The following STARD13 variants were observed in gnomAD, a reference collection of about 807,000 sequenced individuals.
STARD13 encodes StAR related lipid transfer domain containing 13, also known as stAR-related lipid transfer protein 13.
STARD13 carries 62 observed loss-of-function variants against 106.4 expected under a neutral mutation model. The observed-to-expected ratio is 0.58, with a 90% CI of 0.48 to 0.72. The LOEUF is 0.72. STARD13 is among the 30% of genes least tolerant of loss of function. STARD13 has a pLI of 0.00. For missense variants in STARD13, 1,387 were observed against 1,424.0 expected (o/e 0.97, Z 0.42); for synonymous variants, 565 against 553.0 (o/e 1.02, Z -0.31).
At position 33,105,386 on chromosome 13, in the gene STARD13, G is replaced by A. The variant is rs1021142894; in HGVS notation, c.*207C>T. 2.4e-5 allele frequency: 13 copies of A among 531,738 alleles called. No individual in the cohort carries two copies. The highest frequency in any genetic ancestry group is 4.4e-5 in the Non-Finnish European group (13 of 297,224). 32.9% of individuals were successfully genotyped at this position (531,738 alleles called of 1,614,324 possible). A position where few individuals can be genotyped will look rare whatever the true frequency, so the allele number is the denominator to read the frequency against. On this transcript the variant is annotated 3_prime_UTR_variant, in exon 14 of 14. Coordinates refer to ENST00000336934, the MANE Select transcript of STARD13 (RefSeq NM_178006.4). Reference sequence around the variant, plus strand: ...AAGTTCTCATTTTAAAATTATATTAGTAGGGATGTAGCCATCTCCAGGAAG... The same window carrying A: ...AAGTTCTCATTTTAAAATTATATTAATAGGGATGTAGCCATCTCCAGGAAG...
At chr13:33,514,493 G>C in the STARD13 span, among the ~76,000 whole-genome samples, 1 of 152,134 alleles carries the variant, frequency 6.6e-6, no homozygotes, top group Non-Finnish European at 1.5e-5. Context: ...GTCTGGGAGA[G>C]AGGGTGGCGG....
At chr13:33,644,455 A>G in the STARD13 span, among the ~76,000 whole-genome samples, 1 of 152,164 alleles carries the variant, frequency 6.6e-6, no homozygotes, top group Non-Finnish European at 1.5e-5. Context: ...TGAATTGGGT[A>G]CTTTGCACAG....
the STARD13 span, among the ~76,000 whole-genome samples, chr13:33,492,973 T>G: frequency 1.3e-5 from 2 of 152,178 alleles, no homozygotes; most frequent in East Asian, 1.9e-4. Flanking sequence ...AAATGCTAAG[T>G]GCACTTTTGA....
the STARD13 span, among the ~76,000 whole-genome samples, chr13:33,443,996 C>T: frequency 1.3e-5 from 2 of 151,726 alleles, no homozygotes; most frequent in Non-Finnish European, 1.5e-5. Context: ...TATTCATACT[C>T]ACCTAATAAT....
At chr13:33,519,309 T>C in the STARD13 span, among the ~76,000 whole-genome samples, 1 of 138,118 alleles carries the variant, frequency 7.2e-6, no homozygotes, top group East Asian at 2.1e-4. Flanking sequence ...CTCTCTTTCT[T>C]TCTCTCTCTC....
At chr13:33,395,295 T>G in the STARD13 span, among the ~76,000 whole-genome samples, 1 of 152,212 alleles carries the variant, frequency 6.6e-6, no homozygotes, top group Non-Finnish European at 1.5e-5. Context: ...AGTGTTTTGT[T>G]AACTATGGTA....
At chr13:33,143,623 G>A (rs142022283) in intron 3 of STARD13, among the ~76,000 whole-genome samples, 1,830 of 151,782 alleles carry the variant, frequency 0.012, 45 homozygotes, top group African/African-American at 0.038. Flanking sequence ...CGCAATCTCC[G>A]GCTCACTGCA....
intron 3 of STARD13, among the ~76,000 whole-genome samples, chr13:33,162,128 T>C (rs1882703149): frequency 6.6e-6 from 1 of 152,208 alleles, no homozygotes; most frequent in Non-Finnish European, 1.5e-5. Context: ...AAACCAGTCA[T>C]GCCTTCCCAA....
the STARD13 span, among the ~76,000 whole-genome samples, chr13:33,492,689 C>G: frequency 6.6e-6 from 1 of 152,170 alleles, no homozygotes; most frequent in Non-Finnish European, 1.5e-5. Context: ...GAATAATCCA[C>G]CCCTTGTTTA....
rs371928377 is a variant in STARD13, at chr13:33,112,780, T to C, written c.2433A>G (p.Ala811=). ...EENQMTPMNL[A]VCLAPSLFHL... ...GAAAGAGGGAGGGGGCCAGACACAC[T>C]GCCAGGTTCATGGGCGTCATCTGAT... The change falls in exon 9 of 14, where the codon GCA becomes GCG. Residue 811 remains alanine (A), a synonymous_variant. Coordinates refer to ENST00000336934, the MANE Select transcript of STARD13 (RefSeq NM_178006.4). The C allele has an allele frequency of 6.2e-7, 1 of 1,613,742 alleles. No individual in the cohort carries two copies.
chr13:33,396,489 C>T, the STARD13 span, among the ~76,000 whole-genome samples: 3 of 152,302 alleles, frequency 2.0e-5, no homozygotes, highest in East Asian at 1.9e-4. Flanking sequence ...GTTCACTCCC[C>T]GAATGGCACC....
Position 33,338,897 on chromosome 13 carries a change from A to G in STARD13, c.124+11393T>C, listed in dbSNP as rs1340111981. On this transcript the variant is annotated intron_variant, in intron 1 of 5. Coordinates refer to the STARD13 transcript ENST00000567873. ...GAGACTCCGTCTCAAAAAAAAAAAA[A>G]AAAAAAAAGAAAGAAAGATACAGGA... Among the ~76,000 whole-genome samples the G allele has an allele frequency of 2.1e-5, 3 of 142,332 alleles. No individual in the cohort carries two copies. The East Asian group carries it at 6.4e-4, about 31-fold the overall frequency. The allele number at this position is 142,332 out of a possible 152,430, so 93.4% of individuals were successfully genotyped here. A position where few individuals can be genotyped will look rare whatever the true frequency, so the allele number is the denominator to read the frequency against.
chr13:33,223,306 A>T (rs1199873964), intron 1 of STARD13, among the ~76,000 whole-genome samples: 2 of 152,236 alleles, frequency 1.3e-5, no homozygotes, highest in Non-Finnish European at 2.9e-5. Flanking sequence ...AGCAACCTGG[A>T]GACATTTTAG....
At chr13:33,274,366 G>T (rs1891313410) in intron 1 of STARD13, among the ~76,000 whole-genome samples, 1 of 152,096 alleles carries the variant, frequency 6.6e-6, no homozygotes, top group Non-Finnish European at 1.5e-5. Context: ...ATAGCAAGAA[G>T]GCAGCTGTCA....
chr13:33,220,055 TG>T (rs1262396738), intron 1 of STARD13, among the ~76,000 whole-genome samples: 1 of 152,182 alleles, frequency 6.6e-6, no homozygotes, highest in Non-Finnish European at 1.5e-5. Flanking sequence ...TGTCTTTTCC[TG>T]GATTAAAAAC....
Position 33,127,453 on chromosome 13 carries a change from G to T in STARD13, c.1842C>A (p.Ser614Arg). ...GGAGCAGTGAGAAGCGCTGGAGCAG[G>T]CTCAGCTGGCTGGCCGTCTGGCTGC... ...HISSQTASQL[S>R]LLQRFSLLRL... is the part of the protein sequence containing the mutation. The change falls in exon 6 of 14, where the codon AGC (serine) becomes AGA (arginine). Residue 614 changes from serine to arginine, a missense_variant. By Grantham distance (110) the Ser-to-Arg change is moderately radical (BLOSUM62 -1). Coordinates refer to ENST00000336934, the MANE Select transcript of STARD13 (RefSeq NM_178006.4). 1 of 1,601,634 alleles carries T rather than the reference G, an allele frequency of 6.2e-7. No individual in the cohort carries two copies.
chr13:33,489,805 T>G, the STARD13 span, among the ~76,000 whole-genome samples: 14 of 152,150 alleles, frequency 9.2e-5, no homozygotes, highest in Non-Finnish European at 4.4e-5. Context: ...CTCTGCCCAT[T>G]TTGCAAGTTC....
At chr13:33,203,742 GTAT>G (rs981869174) in intron 1 of STARD13, among the ~76,000 whole-genome samples, 1 of 152,122 alleles carries the variant, frequency 6.6e-6, no homozygotes, top group Admixed American at 6.5e-5. Flanking sequence ...ATAAACAAAA[GTAT>G]TACTACATAA....
intron 1 of STARD13, among the ~76,000 whole-genome samples, chr13:33,177,007 T>C (rs940784598): frequency 2.6e-5 from 4 of 152,214 alleles, no homozygotes; most frequent in Non-Finnish European, 5.9e-5. Flanking sequence ...GATCTTCACA[T>C]TTGATGTTTA....
Sources: gnomAD v4.1 joint callset for allele counts (sites outside exome capture counted in the v4.1 genomes callset) on GRCh38, gnomAD v4.1.1 for gene constraint, MANE v1.5 for transcripts, NCBI Gene and HGNC (gene_info 2026-07-23, HGNC 2026-07-21) for gene names.